Variants in ENPP6 observed in about 807,000 individuals in gnomAD.
ENPP6 encodes the protein ectonucleotide pyrophosphatase/phosphodiesterase 6.
A neutral mutation model predicts 42.0 loss-of-function variants in ENPP6; 32 were observed. That is an observed-to-expected ratio of 0.76 (90% CI 0.58 to 1.02). The LOEUF (loss-of-function observed/expected upper bound fraction) is 1.02, where lower values mean the gene tolerates loss of function less well. ENPP6 is among the 50% of genes least tolerant of loss of function. The pLI, the probability that ENPP6 is intolerant of heterozygous loss-of-function variation, is 0.00. For missense variants in ENPP6, 552 were observed against 566.8 expected (o/e 0.97, Z 0.27); for synonymous variants, 213 against 216.0 (o/e 0.99, Z 0.12).
intron 1 of ENPP6, chr4:184,204,166 A>G (rs985150732): frequency 2.0e-5 from 3 of 152,182 alleles, no homozygotes; most frequent in African/African-American, 4.8e-5. Context: ...TGCCCACCCT[A>G]GTGACCTCAT....
rs747687420 is a variant in ENPP6, at chr4:184,153,685, G to A, written c.290C>T (p.Pro97Leu). Residue 97 changes from proline (P) to leucine (L), a missense_variant, in exon 2 of 8, where the codon CCC becomes CTC. By Grantham distance (98) the Pro-to-Leu change is moderately conservative. Around this residue, in one of 2 missense-constraint regions of ENPP6, gnomAD observed 545 missense variants for 546.3 expected, o/e 1.00. Coordinates refer to ENST00000296741, the MANE Select transcript of ENPP6 (RefSeq NM_153343.4). ...HQMIGNYMWDPTTNKSFDIGV... is the reference protein window; with the variant it reads ...HQMIGNYMWDLTTNKSFDIGV... Reference sequence around the variant, plus strand: ...AATGTCAAAGGACTTGTTGGTGGTGGGGTCCCACATGTAGTTCCCGATCAT... The same window carrying A: ...AATGTCAAAGGACTTGTTGGTGGTGAGGTCCCACATGTAGTTCCCGATCAT... 2 of 1,614,126 alleles carry A rather than the reference G, an allele frequency of 1.2e-6. No homozygotes were observed. Among genetic ancestry groups the A allele is most frequent in the South Asian group, 1.1e-5 (1 of 91,070 alleles).
intron 6 of ENPP6, among the ~76,000 whole-genome samples, chr4:184,102,498 A>C (rs528537273): frequency 6.6e-6 from 1 of 152,316 alleles, no homozygotes; most frequent in South Asian, 2.1e-4. Context: ...TCTCTCCACC[A>C]TATACAGGAG....
At chr4:184,215,978 T>A (rs548313227) in intron 1 of ENPP6, among the ~76,000 whole-genome samples, 87 of 152,242 alleles carry the variant, frequency 5.7e-4, no homozygotes, top group Non-Finnish European at 9.7e-4. Flanking sequence ...TGGCTTAGTG[T>A]CTCTGTGGAG....
chr4:184,217,619 G>T lies in ENPP6; in HGVS notation c.201C>A (p.Phe67Leu). The change falls in exon 1 of 8, where the codon TTC becomes TTA. Residue 67 changes from phenylalanine to leucine, a missense_variant. Phe to Leu is a conservative substitution (Grantham distance 22). Transcript: ENST00000296741. ...GVKVDYLTPD[F>L]PSLSYPNYYT... is the part of the protein sequence containing the mutation. ...AATAATTGGGATACGAGAGACTAGG[G>T]AAGTCTGGAGTCAAGTAATCCACTT... is the stretch of plus-strand genomic sequence containing the variant. 3 of 1,614,220 alleles carry T rather than the reference G, an allele frequency of 1.9e-6. No individual in the cohort carries two copies. The highest frequency in any genetic ancestry group is 1.1e-5 in the South Asian group (1 of 91,084).
chr4:184,183,739 C>T (rs776668112), intron 1 of ENPP6, among the ~76,000 whole-genome samples: 2 of 152,210 alleles, frequency 1.3e-5, no homozygotes, highest in African/African-American at 2.4e-5. Flanking sequence ...GCAGAGGTGG[C>T]TAGCTCTCAA....
intron 1 of ENPP6, among the ~76,000 whole-genome samples, chr4:184,167,276 C>T (rs936499185): frequency 2.6e-5 from 4 of 152,116 alleles, no homozygotes; most frequent in East Asian, 1.9e-4. Context: ...CCACCATGCC[C>T]GGCTAATTTT....
At chr4:184,157,100 T>C (rs775832100) in intron 1 of ENPP6, among the ~76,000 whole-genome samples, 15 of 152,246 alleles carry the variant, frequency 9.9e-5, no homozygotes, top group Non-Finnish European at 1.9e-4. Context: ...CCTCCACGCT[T>C]GGTATCTGAC....
chr4:184,135,143 T>G (rs912164717), intron 2 of ENPP6, among the ~76,000 whole-genome samples: 1 of 152,182 alleles, frequency 6.6e-6, no homozygotes, highest in African/African-American at 2.4e-5. Flanking sequence ...AAATATTTCA[T>G]GTATACTTGA....
chr4:184,207,173 C>T (rs771318508), intron 1 of ENPP6, among the ~76,000 whole-genome samples: 1 of 152,200 alleles, frequency 6.6e-6, no homozygotes, highest in African/African-American at 2.4e-5. Context: ...GTGGAACAAA[C>T]TTATTTCAGC....
chr4:184,173,791 G>C (rs1737514888), intron 1 of ENPP6, among the ~76,000 whole-genome samples: 1 of 152,158 alleles, frequency 6.6e-6, no homozygotes, highest in African/African-American at 2.4e-5. Flanking sequence ...GAGAATAGGA[G>C]GGCATGATTC....
intron 2 of ENPP6, among the ~76,000 whole-genome samples, chr4:184,131,141 C>CT (rs1553995987): frequency 7.6e-5 from 1 of 13,100 alleles, no homozygotes; most frequent in Non-Finnish European, 1.6e-4. Flanking sequence ...CCAGCACTTA[C>CT]TTTCTTTCTT....
intron 2 of ENPP6, among the ~76,000 whole-genome samples, chr4:184,147,815 A>C: frequency 6.6e-6 from 1 of 150,388 alleles, no homozygotes; most frequent in South Asian, 2.1e-4. Context: ...AAAAAAAAAA[A>C]GTATTCAGCT....
chr4:184,190,424 T>A (rs1420758533), intron 1 of ENPP6, among the ~76,000 whole-genome samples: 1 of 152,184 alleles, frequency 6.6e-6, no homozygotes, highest in South Asian at 2.1e-4. Context: ...CGGGGAGATA[T>A]GTCTGAGCTG....
At chr4:184,194,160 A>G (rs937727094) in intron 1 of ENPP6, among the ~76,000 whole-genome samples, 2 of 152,178 alleles carry the variant, frequency 1.3e-5, no homozygotes, top group Non-Finnish European at 2.9e-5. Context: ...CTCCTCGGTC[A>G]GCATCTCCGG....
rs55848533 is a variant in ENPP6 at position 184,178,885 on chromosome 4, T to C, written c.242-25152A>G. On this transcript the variant is annotated intron_variant, in intron 1 of 7. Coordinates refer to ENST00000296741, the MANE Select transcript of ENPP6 (RefSeq NM_153343.4). The stretch of plus-strand genomic sequence containing the variant: ...AGAGCTCCTGAAGGAAGCACAAATA[T>C]GGAAAGGAAAAACCATTACCAGCCA... 8.4e-3 allele frequency among the ~76,000 whole-genome samples: 1,273 copies of C among 152,182 alleles called. 16 individuals carry two copies. The highest frequency in any genetic ancestry group is 0.029 in the African/African-American group (1,192 of 41,520).
intron 1 of ENPP6, among the ~76,000 whole-genome samples, chr4:184,158,572 G>T (rs1299639727): frequency 6.6e-6 from 1 of 152,142 alleles, no homozygotes; most frequent in African/African-American, 2.4e-5. Context: ...GAATTAAAGG[G>T]CACTATCTCT....
intron 2 of ENPP6, among the ~76,000 whole-genome samples, chr4:184,152,283 C>T (rs1420417921): frequency 6.6e-6 from 1 of 152,152 alleles, no homozygotes; most frequent in Non-Finnish European, 1.5e-5. Context: ...CCCAGCAGCT[C>T]CCCACACACC....
chr4:184,106,837 C>T (rs919054970), intron 6 of ENPP6, among the ~76,000 whole-genome samples: 8 of 152,226 alleles, frequency 5.3e-5, no homozygotes, highest in East Asian at 1.9e-4. Context: ...TTGGCCGTCG[C>T]TGTAGTCGGC....
In ENPP6 at chr4:184,112,769, TA is replaced by T; in HGVS notation, c.895del (p.Tyr299ThrfsTer21). On this transcript the variant is annotated frameshift_variant, in exon 6 of 8. Transcript: ENST00000296741. LOFTEE classifies it high-confidence loss of function. ...CCTGCTTGGGATGGCTTCTTTCTCGTAGACAGTCATGTGTTCCACTGTGCTC... is the reference window on the plus strand; with the variant it reads ...CCTGCTTGGGATGGCTTCTTTCTCGTGACAGTCATGTGTTCCACTGTGCTC... ...KLSTVEHMTVYEKEAIPSRFY... is the reference protein window; with the variant it reads ...KLSTVEHMTVXEKEAIPSRFY... 1 of 1,614,170 alleles carries T rather than the reference TA, an allele frequency of 6.2e-7. No homozygotes were observed.
Sources: allele counts gnomAD v4.1 joint callset (sites outside exome capture counted in the v4.1 genomes callset), GRCh38; gene constraint gnomAD v4.1.1; regional missense constraint gnomAD v4.1.1; transcripts MANE v1.5; gene names NCBI Gene and HGNC (gene_info 2026-07-23, HGNC 2026-07-21).